Variants in CDH9 observed in about 807,000 individuals in gnomAD.
CDH9 encodes cadherin 9.
A neutral mutation model predicts 70.9 loss-of-function variants in CDH9; 28 were observed. That is an observed-to-expected ratio of 0.40 (90% CI 0.29 to 0.54). The LOEUF (loss-of-function observed/expected upper bound fraction) is 0.54, where lower values mean the gene tolerates loss of function less well. CDH9 is among the 20% of genes least tolerant of loss of function. CDH9 has a pLI of 0.59. For missense variants in CDH9, 874 were observed against 984.4 expected (o/e 0.89, Z 1.50); for synonymous variants, 409 against 343.1 (o/e 1.19, Z -2.12).
intron 1 of CDH9, among the ~76,000 whole-genome samples, chr5:26,996,383 T>A (rs908369655): frequency 6.6e-6 from 1 of 152,136 alleles, no homozygotes; most frequent in East Asian, 1.9e-4. Context: ...AACAAATGAT[T>A]TCTCATCACC....
chr5:26,890,306 A>G lies in CDH9; in HGVS notation c.1390+122T>C, dbSNP rs1258862014. Reference sequence around the variant, plus strand: ...TAAAAATGTGTTGATATTCTAAGCCATTTCTCTAAGATCTTGCTAAGGATA... The same window carrying G: ...TAAAAATGTGTTGATATTCTAAGCCGTTTCTCTAAGATCTTGCTAAGGATA... On this transcript the variant is annotated intron_variant, in intron 8 of 11. Transcript: ENST00000231021. The G allele has an allele frequency of 1.5e-5, 11 of 758,288 alleles. No homozygotes were observed. The South Asian group carries it at 2.0e-4, about 14-fold the overall frequency. 47.0% of individuals were successfully genotyped at this position (758,288 alleles called of 1,614,324 possible).
At chr5:26,975,314 T>C (rs924634303) in intron 2 of CDH9, among the ~76,000 whole-genome samples, 2 of 152,156 alleles carry the variant, frequency 1.3e-5, no homozygotes, top group African/African-American at 4.8e-5. Flanking sequence ...TAAGGAAGCA[T>C]TGAACTCTCA....
intron 11 of CDH9, 118 bp downstream of exon 11, chr5:26,885,496 A>C: frequency 6.7e-6 from 6 of 894,994 alleles, no homozygotes; most frequent in Non-Finnish European, 1.0e-5. Flanking sequence ...AATTTTAATA[A>C]AAAGTGAAAA....
At chr5:26,932,413 A>AG in intron 2 of CDH9, among the ~76,000 whole-genome samples, 1 of 149,878 alleles carries the variant, frequency 6.7e-6, no homozygotes, top group East Asian at 2.0e-4. Context: ...ATAAAAGAAA[A>AG]AAAAACAAAA....
chr5:26,881,630 A>G lies in CDH9; in HGVS notation c.1883-7T>C. 6.3e-7 allele frequency: 1 copy of G among 1,594,896 alleles called. No homozygotes were observed. Among genetic ancestry groups the G allele is most frequent in the Non-Finnish European group, 8.5e-7 (1 of 1,174,530 alleles). ...GCAAACAACACGACTAAAACTATTA[A>G]TAAGAAATGGGAAAATAGTGAGATT... is the stretch of plus-strand genomic sequence containing the variant. On this transcript the variant is annotated splice_polypyrimidine_tract_variant and splice_region_variant and intron_variant, in intron 11 of 11. Coordinates refer to ENST00000231021, the MANE Select transcript of CDH9 (RefSeq NM_016279.4).
intron 1 of CDH9, among the ~76,000 whole-genome samples, chr5:26,993,115 A>G (rs1016299703): frequency 6.6e-6 from 1 of 151,998 alleles, no homozygotes; most frequent in African/African-American, 2.4e-5. Context: ...AAAAAAAAAA[A>G]AAAAGCATAT....
intron 2 of CDH9, among the ~76,000 whole-genome samples, chr5:26,947,186 G>A (rs1741769528): frequency 6.6e-6 from 1 of 152,072 alleles, no homozygotes; most frequent in Non-Finnish European, 1.5e-5. Flanking sequence ...GTAGAATTTA[G>A]GGAATTCAGC....
In CDH9 at chr5:26,911,920, C is replaced by A. The variant is rs112628719; in HGVS notation, c.523+3710G>T. Among the ~76,000 whole-genome samples the A allele has an allele frequency of 7.7e-3, 1,171 of 151,670 alleles. 16 individuals carry two copies. Among genetic ancestry groups the A allele is most frequent in the African/African-American group, 0.027 (1,120 of 41,364 alleles). ...TGATTGTGACAGACAGAAACTGAAG[C>A]AGAGGGAAACAAGAAGGGAAGGAGT... On this transcript the variant is annotated intron_variant, in intron 3 of 11. Coordinates refer to ENST00000231021, the MANE Select transcript of CDH9 (RefSeq NM_016279.4).
chr5:27,015,595 C>A (rs1016807613), intron 1 of CDH9, among the ~76,000 whole-genome samples: 1 of 151,550 alleles, frequency 6.6e-6, no homozygotes, highest in East Asian at 1.9e-4. Context: ...ATGTTTTCCT[C>A]TTAGGAAGTT....
chr5:26,888,690 C>T (rs1382932167), intron 9 of CDH9, among the ~76,000 whole-genome samples: 1 of 152,190 alleles, frequency 6.6e-6, no homozygotes, highest in Non-Finnish European at 1.5e-5. Flanking sequence ...CCCACACACT[C>T]AATGGCTTAA....
chr5:26,922,982 G>A (rs1268509264), intron 2 of CDH9, among the ~76,000 whole-genome samples: 2 of 150,042 alleles, frequency 1.3e-5, no homozygotes, highest in Non-Finnish European at 3.0e-5. Context: ...AAAAAAAATG[G>A]AGGATTAAAT....
At chr5:26,928,172 C>T (rs1424127340) in intron 2 of CDH9, among the ~76,000 whole-genome samples, 2 of 151,814 alleles carry the variant, frequency 1.3e-5, no homozygotes, top group South Asian at 2.1e-4. Flanking sequence ...AATCAACATA[C>T]AAAAAACAAT....
At chr5:26,971,919 G>A (rs533670468) in intron 2 of CDH9, among the ~76,000 whole-genome samples, 1 of 152,110 alleles carries the variant, frequency 6.6e-6, no homozygotes, top group Non-Finnish European at 1.5e-5. Context: ...ATCTCAACAG[G>A]ATTTACTATT....
intron 1 of CDH9, among the ~76,000 whole-genome samples, chr5:27,008,778 T>C (rs560672528): frequency 7.9e-5 from 12 of 152,296 alleles, no homozygotes; most frequent in East Asian, 5.8e-4. Context: ...GCAGATCTCA[T>C]TTACCAAGCC....
chr5:26,952,852 TG>T (rs1741876082), intron 2 of CDH9, among the ~76,000 whole-genome samples: 1 of 146,714 alleles, frequency 6.8e-6, no homozygotes, highest in African/African-American at 2.5e-5. Flanking sequence ...GGAATCTTGC[TG>T]GTTATAAGAA....
At chr5:27,000,729 AATAG>A (rs1200822061) in intron 1 of CDH9, among the ~76,000 whole-genome samples, 2 of 152,190 alleles carry the variant, frequency 1.3e-5, no homozygotes, top group Admixed American at 6.5e-5. Context: ...TTAATAGATG[AATAG>A]ATAAACAGAT....
intron 2 of CDH9, among the ~76,000 whole-genome samples, chr5:26,972,479 A>G (rs1459294171): frequency 1.3e-5 from 2 of 152,164 alleles, no homozygotes; most frequent in Non-Finnish European, 2.9e-5. Flanking sequence ...GAGAATACTC[A>G]CGTTCTGCCA....
At chr5:26,977,549 A>G (rs1305733828) in intron 2 of CDH9, among the ~76,000 whole-genome samples, 5 of 151,316 alleles carry the variant, frequency 3.3e-5, no homozygotes, top group South Asian at 2.1e-4. Flanking sequence ...GACTGGAAAG[A>G]TTACAAGCAA....
At chr5:26,888,204 A>G (rs1424703925) in intron 9 of CDH9, among the ~76,000 whole-genome samples, 1 of 152,180 alleles carries the variant, frequency 6.6e-6, no homozygotes, top group Non-Finnish European at 1.5e-5. Context: ...TACATAGGCA[A>G]TCATATGTAT....
Sources: allele counts gnomAD v4.1 joint callset (sites outside exome capture counted in the v4.1 genomes callset), GRCh38; gene constraint gnomAD v4.1.1; transcripts MANE v1.5; gene names NCBI Gene and HGNC (gene_info 2026-07-23, HGNC 2026-07-21).